The following ONECUT1 variants were observed in gnomAD, a reference collection of about 807,000 sequenced individuals.
The protein encoded by ONECUT1 is one cut homeobox 1.
In ONECUT1, 12 loss-of-function variants were observed where a neutral mutation model predicts 25.6. The observed-to-expected ratio is 0.47, with a 90% CI of 0.30 to 0.76. The LOEUF is 0.76. ONECUT1 is among the 30% of genes least tolerant of loss of function. ONECUT1 has a pLI of 0.07. For missense variants in ONECUT1, 620 were observed against 651.2 expected, an observed-to-expected ratio of 0.95 and a Z score of 0.52; for synonymous variants, 285 against 270.2, an observed-to-expected ratio of 1.05 and a Z score of -0.54.
At chr15:52,763,661 G>A (rs765410621) in intron 1 of ONECUT1, among the ~76,000 whole-genome samples, 33 of 152,112 alleles carry the variant, frequency 2.2e-4, no homozygotes, top group Admixed American at 2.2e-3. Context: ...TAGCTTACAG[G>A]CTCTCCCAAA....
At chr15:52,781,423 T>A (rs2083840609) in intron 1 of ONECUT1, among the ~76,000 whole-genome samples, 1 of 152,252 alleles carries the variant, frequency 6.6e-6, no homozygotes, top group Non-Finnish European at 1.5e-5. Context: ...AAAGACACAC[T>A]TTCTCTAATT....
chr15:52,779,143 G>A (rs2141459410), intron 1 of ONECUT1, among the ~76,000 whole-genome samples: 1 of 152,218 alleles, frequency 6.6e-6, no homozygotes, highest in African/African-American at 2.4e-5. Context: ...GAGTGCAGTG[G>A]TGTGATCTAG....
chr15:52,757,850 G>A lies in ONECUT1; in HGVS notation c.1106-3C>T. Reference sequence around the variant, plus strand: ...TTCTTGTTCTTTCCTTTTGCATGCTGTGAAGAAACACAGAAGATGTTAGAA... The same window carrying A: ...TTCTTGTTCTTTCCTTTTGCATGCTATGAAGAAACACAGAAGATGTTAGAA... On this transcript the variant is annotated splice_polypyrimidine_tract_variant and splice_region_variant and intron_variant, in intron 1 of 1. Transcript: ENST00000305901. The A allele has an allele frequency of 1.2e-6, 2 of 1,611,400 alleles. No homozygotes were observed. Among genetic ancestry groups the A allele is most frequent in the Non-Finnish European group, 8.5e-7 (1 of 1,178,580 alleles).
intron 1 of ONECUT1, among the ~76,000 whole-genome samples, chr15:52,767,730 T>C (rs373570247): frequency 1.3e-3 from 198 of 152,354 alleles, no homozygotes; most frequent in Middle Eastern, 0.01. Context: ...TGAAGAGATA[T>C]CTGCACTGCC....
At chr15:52,767,092 C>T (rs1049739324) in intron 1 of ONECUT1, among the ~76,000 whole-genome samples, 10 of 151,896 alleles carry the variant, frequency 6.6e-5, no homozygotes, top group African/African-American at 2.2e-4. Flanking sequence ...CTCTAGTTGA[C>T]GAATGAGCAG....
At chr15:52,767,540 A>G (rs1337741619) in intron 1 of ONECUT1, among the ~76,000 whole-genome samples, 2 of 152,200 alleles carry the variant, frequency 1.3e-5, no homozygotes, top group African/African-American at 4.8e-5. Context: ...ACTCACAGGA[A>G]GAGACACCCA....
At chr15:52,776,570 C>T (rs1300913838) in intron 1 of ONECUT1, among the ~76,000 whole-genome samples, 2 of 152,220 alleles carry the variant, frequency 1.3e-5, no homozygotes, top group Non-Finnish European at 2.9e-5. Context: ...CCATTTCATT[C>T]CACAACAGGT....
chr15:52,779,498 C>A (rs2083825930), intron 1 of ONECUT1, among the ~76,000 whole-genome samples: 2 of 152,026 alleles, frequency 1.3e-5, no homozygotes, highest in South Asian at 4.1e-4. Flanking sequence ...ATAAAGAAAC[C>A]AAAATTATAG....
intron 1 of ONECUT1, among the ~76,000 whole-genome samples, chr15:52,786,476 T>C (rs2141465022): frequency 6.6e-6 from 1 of 152,352 alleles, no homozygotes; most frequent in Non-Finnish European, 1.5e-5. Flanking sequence ...AGTGTTTCAC[T>C]TTTTCGAGGA....
rs763983136 is a variant in ONECUT1, at chr15:52,788,988, C to T, written c.897G>A (p.Gln299=). 6.2e-7 allele frequency: 1 copy of T among 1,611,890 alleles called. No individual in the cohort carries two copies. Among genetic ancestry groups the T allele is most frequent in the East Asian group, 2.2e-5 (1 of 44,884 alleles). ...MEEINTKEVA[Q]RITTELKRYS... ...AGCGCTTGAGCTCGGTGGTGATACG[C>T]TGCGCCACCTCTTTGGTATTGATCT... The change falls in exon 1 of 2, where the codon CAG becomes CAA. Residue 299 remains glutamine (Q), a synonymous_variant. Coordinates refer to ENST00000305901, the MANE Select transcript of ONECUT1 (RefSeq NM_004498.4). This position sits in a 1 kb window ranked among gnomAD's most constrained non-coding sequence, Gnocchi z 4.3.
At chr15:52,775,376 T>G (rs2083793115) in intron 1 of ONECUT1, among the ~76,000 whole-genome samples, 1 of 151,714 alleles carries the variant, frequency 6.6e-6, no homozygotes, top group Non-Finnish European at 1.5e-5. Flanking sequence ...TTAAAAGAAG[T>G]AAGAGCCATT....
intron 1 of ONECUT1, among the ~76,000 whole-genome samples, chr15:52,763,423 G>A (rs2083717005): frequency 6.6e-6 from 1 of 152,168 alleles, no homozygotes; most frequent in South Asian, 2.1e-4. Context: ...AAAGGACAGA[G>A]ACTTCTAGTT....
At chr15:52,760,551 A>T (rs891784299) in intron 1 of ONECUT1, among the ~76,000 whole-genome samples, 1 of 152,222 alleles carries the variant, frequency 6.6e-6, no homozygotes, top group Non-Finnish European at 1.5e-5. Flanking sequence ...AAGGAATTAC[A>T]GAGAAGGCAC....
chr15:52,772,859 G>A (rs115403987), intron 1 of ONECUT1, among the ~76,000 whole-genome samples: 1,885 of 152,280 alleles, frequency 0.012, 35 homozygotes, highest in African/African-American at 0.044. Context: ...GATGTTTAAA[G>A]TGTTATTTTA....
At position 52,788,433 on chromosome 15, in the gene ONECUT1, G is replaced by C. The variant is rs1170191649; in HGVS notation, c.1105+347C>G. The C allele has an allele frequency of 2.3e-5, 6 of 264,866 alleles. No homozygotes were observed. Among genetic ancestry groups the C allele is most frequent in the Admixed American group, 4.8e-5 (1 of 20,914 alleles). 16.4% of individuals were successfully genotyped at this position (264,866 alleles called of 1,614,324 possible). A position where few individuals can be genotyped will look rare whatever the true frequency, so the allele number is the denominator to read the frequency against. The stretch of plus-strand genomic sequence containing the variant: ...TCCCTCTTCCCAAACCCGGATCGCT[G>C]AACTGAGAGGTGGCGCAGAGTGTCT... On this transcript the variant is annotated intron_variant, in intron 1 of 1. Transcript: ENST00000305901. The surrounding 1 kb of genome is among the most constrained non-coding windows in gnomAD (Gnocchi z 4.3).
chr15:52,773,911 C>G (rs143220593), intron 1 of ONECUT1, among the ~76,000 whole-genome samples: 176 of 152,074 alleles, frequency 1.2e-3, no homozygotes, highest in African/African-American at 4.0e-3. Flanking sequence ...AATATCCTCT[C>G]TCTCTATCTA....
Position 52,775,452 on chromosome 15 carries a change from A to AACACACACAC in ONECUT1, c.1105+13318_1105+13327dup, listed in dbSNP as rs139797470. On this transcript the variant is annotated intron_variant, in intron 1 of 1. Transcript: ENST00000305901. ...AGGCCCTTGATTATTTTTAAAGAGG[A>AACACACACAC]ACACACACACACACACACACACACA... is the stretch of plus-strand genomic sequence containing the variant. Among the ~76,000 whole-genome samples, 778 of 141,020 alleles carry AACACACACAC rather than the reference A, an allele frequency of 5.5e-3. 4 individuals are homozygous for AACACACACAC. The highest frequency in any genetic ancestry group is 5.4e-3 in the East Asian group (26 of 4,792). 92.5% of individuals were successfully genotyped at this position (141,020 alleles called of 152,430 possible).
At chr15:52,780,428 G>A (rs554014514) in intron 1 of ONECUT1, among the ~76,000 whole-genome samples, 46 of 152,300 alleles carry the variant, frequency 3.0e-4, no homozygotes, top group African/African-American at 8.2e-4. Context: ...TTTTCCAGTT[G>A]CATCATTTGA....
At chr15:52,759,499 T>TA (rs1487869555) in intron 1 of ONECUT1, among the ~76,000 whole-genome samples, 1 of 152,216 alleles carries the variant, frequency 6.6e-6, no homozygotes, top group African/African-American at 2.4e-5. Context: ...TGCTACTTAG[T>TA]AAAAAAAGTT....
Sources: allele counts gnomAD v4.1 joint callset (sites outside exome capture counted in the v4.1 genomes callset), GRCh38; gene constraint gnomAD v4.1.1; non-coding constraint Gnocchi (gnomAD v3.1); transcripts MANE v1.5; gene names NCBI Gene and HGNC (gene_info 2026-07-23, HGNC 2026-07-21).